Variants in SCFD2 observed in about 807,000 individuals in gnomAD.
SCFD2 encodes sec1 family domain containing 2.
A neutral mutation model predicts 58.9 loss-of-function variants in SCFD2; 54 were observed. That is an observed-to-expected ratio of 0.92 (90% confidence interval 0.74 to 1.15). SCFD2 has a LOEUF of 1.15. Ranked by LOEUF, SCFD2 falls within the 50% of genes most tolerant of loss-of-function variation. The pLI is 0.00. For synonymous variants in SCFD2, 321 were observed against 335.9 expected, an observed-to-expected ratio of 0.96 and a Z score of 0.49; for missense variants, 805 against 836.6, an observed-to-expected ratio of 0.96 and a Z score of 0.47.
At chr4:53,102,865 C>CAATAAGG (rs147496722) in intron 5 of SCFD2, among the ~76,000 whole-genome samples, 24,498 of 151,838 alleles carry the variant, frequency 0.16, 2,441 homozygotes, top group Middle Eastern at 0.26. Context: ...AAATGTAAAA[C>CAATAAGG]AATAAGGTAC....
At chr4:53,188,579 G>A (rs1403019392) in intron 4 of SCFD2, among the ~76,000 whole-genome samples, 1 of 151,976 alleles carries the variant, frequency 6.6e-6, no homozygotes, top group Non-Finnish European at 1.5e-5. Context: ...GAAGGAGCAG[G>A]CACATCACTA....
At chr4:52,973,857 C>T (rs745437079) in intron 5 of SCFD2, among the ~76,000 whole-genome samples, 1 of 152,130 alleles carries the variant, frequency 6.6e-6, no homozygotes, top group Non-Finnish European at 1.5e-5. Context: ...TGCAAGGCTG[C>T]TTCATCATAG....
chr4:52,930,920 G>GGTAA (rs1719977396), intron 5 of SCFD2, among the ~76,000 whole-genome samples: 7 of 152,116 alleles, frequency 4.6e-5, no homozygotes, highest in Non-Finnish European at 7.4e-5. Context: ...TCTATTATCG[G>GGTAA]CTGTCACCAT....
intron 2 of SCFD2, among the ~76,000 whole-genome samples, chr4:53,319,672 C>T (rs1732969627): frequency 1.3e-5 from 2 of 152,098 alleles, no homozygotes; most frequent in Non-Finnish European, 2.9e-5. Flanking sequence ...GCTGGGATTA[C>T]AGGCATGCGC....
At position 53,365,393 on chromosome 4, in the gene SCFD2, A is replaced by G; in HGVS notation, c.549T>C (p.Asp183=). The G allele has an allele frequency of 3.1e-6, 5 of 1,614,174 alleles. No individual in the cohort carries two copies. The South Asian group carries it at 3.3e-5, about 11-fold the overall frequency. ...GTCGGGCGCTATTAAGGAGGTGCACATCCTGGGGTAGCAGTGGGAAAAGGG... is the reference window on the plus strand; with the variant it reads ...GTCGGGCGCTATTAAGGAGGTGCACGTCCTGGGGTAGCAGTGGGAAAAGGG... ...FASLFPLLPQ[D]VHLLNSARPD... Residue 183 remains aspartate (D), a synonymous_variant, in exon 1 of 9, where the codon GAT becomes GAC. Coordinates refer to ENST00000401642, the MANE Select transcript of SCFD2 (RefSeq NM_152540.4). The surrounding 1 kb of genome is among the most constrained non-coding windows in gnomAD (Gnocchi z 4.3).
rs564348092 is a variant in SCFD2, at chr4:53,238,432, C to T, written c.1311+35394G>A. On this transcript the variant is annotated intron_variant, in intron 4 of 8. Transcript: ENST00000401642. ...CCCCCCTACCTCCCTCCCGGATGGG[C>T]GGCTGGCCGGGCAGGGGGCTGACCC... Among the ~76,000 whole-genome samples the T allele has an allele frequency of 3.9e-3, 551 of 143,046 alleles. 5 individuals carry two copies. The highest frequency in any genetic ancestry group is 0.014 in the African/African-American group (519 of 38,004). 93.8% of individuals were successfully genotyped at this position (143,046 alleles called of 152,430 possible). A position where few individuals can be genotyped will look rare whatever the true frequency, so the allele number is the denominator to read the frequency against.
At chr4:53,250,036 G>A (rs1458456814) in intron 4 of SCFD2, among the ~76,000 whole-genome samples, 12 of 152,166 alleles carry the variant, frequency 7.9e-5, no homozygotes, top group South Asian at 2.1e-4. Context: ...ACCCATCAGT[G>A]TGCTGTATTC....
At chr4:53,149,618 A>G (rs1183546224) in intron 4 of SCFD2, among the ~76,000 whole-genome samples, 2 of 152,178 alleles carry the variant, frequency 1.3e-5, no homozygotes, top group African/African-American at 2.4e-5. Context: ...CTTGCTTCTA[A>G]AAGTAGAATA....
At chr4:53,286,699 C>G (rs569081519) in intron 3 of SCFD2, among the ~76,000 whole-genome samples, 64 of 152,286 alleles carry the variant, frequency 4.2e-4, no homozygotes, top group Admixed American at 6.5e-4. Context: ...GGGCCAGTCA[C>G]AGCACCCTGA....
chr4:53,212,889 T>A (rs1375108707), intron 4 of SCFD2, among the ~76,000 whole-genome samples: 1 of 151,954 alleles, frequency 6.6e-6, no homozygotes, highest in East Asian at 1.9e-4. Context: ...ATTTCTTCTA[T>A]CTTGTTAACA....
At chr4:53,218,532 TA>T (rs1176759451) in intron 4 of SCFD2, among the ~76,000 whole-genome samples, 2 of 152,186 alleles carry the variant, frequency 1.3e-5, no homozygotes, top group Admixed American at 6.5e-5. Flanking sequence ...TTATTCTAGT[TA>T]GGCATTCATC....
chr4:53,123,039 C>T (rs57470249), intron 5 of SCFD2, among the ~76,000 whole-genome samples: 1,827 of 152,192 alleles, frequency 0.012, 42 homozygotes, highest in African/African-American at 0.042. Context: ...TCCCTTACTG[C>T]TCCTATTAAA....
At chr4:52,908,136 T>A (rs1041224412) in intron 6 of SCFD2, among the ~76,000 whole-genome samples, 3 of 152,220 alleles carry the variant, frequency 2.0e-5, no homozygotes, top group Non-Finnish European at 4.4e-5. Flanking sequence ...CATAAAGGAA[T>A]CTGACAAAGG....
At chr4:53,090,852 G>GAT (rs774998009) in intron 5 of SCFD2, among the ~76,000 whole-genome samples, 13 of 152,066 alleles carry the variant, frequency 8.5e-5, no homozygotes, top group Non-Finnish European at 1.8e-4. Flanking sequence ...ACCCCTATGG[G>GAT]ATAAGCACTA....
chr4:53,180,233 T>C (rs374860998), intron 4 of SCFD2, among the ~76,000 whole-genome samples: 21 of 152,250 alleles, frequency 1.4e-4, no homozygotes, highest in African/African-American at 2.2e-4. Context: ...TACTCCAAAA[T>C]TGACCACATA....
chr4:53,027,183 C>G (rs1722496037), intron 5 of SCFD2, among the ~76,000 whole-genome samples: 1 of 152,182 alleles, frequency 6.6e-6, no homozygotes, highest in South Asian at 2.1e-4. Flanking sequence ...TTACCCTGTT[C>G]TTCCCATCCT....
intron 3 of SCFD2, among the ~76,000 whole-genome samples, chr4:53,303,091 A>C (rs1420517544): frequency 6.6e-6 from 1 of 152,250 alleles, no homozygotes; most frequent in Non-Finnish European, 1.5e-5. Context: ...AAAAGCCAAA[A>C]TAGACAAATG....
intron 4 of SCFD2, among the ~76,000 whole-genome samples, chr4:53,161,647 C>T (rs1380745474): frequency 6.6e-6 from 1 of 152,150 alleles, no homozygotes; most frequent in East Asian, 1.9e-4. Context: ...GTTTAAGAGG[C>T]TGTTTTCTGT....
chr4:53,213,820 G>T (rs546507620), intron 4 of SCFD2, among the ~76,000 whole-genome samples: 1 of 151,828 alleles, frequency 6.6e-6, no homozygotes, highest in African/African-American at 2.4e-5. Context: ...ACCACCCCAC[G>T]ACAGGCCCTG....
Sources: allele counts gnomAD v4.1 joint callset (sites outside exome capture counted in the v4.1 genomes callset), GRCh38; gene constraint gnomAD v4.1.1; non-coding constraint Gnocchi (gnomAD v3.1); transcripts MANE v1.5; gene names NCBI Gene and HGNC (gene_info 2026-07-23, HGNC 2026-07-21).